LMF2: variants seen among roughly 807,000 people sequenced by gnomAD.
The protein encoded by LMF2 is transmembrane protein 112B.
A neutral mutation model predicts 81.5 loss-of-function variants in LMF2; 113 were observed. The observed-to-expected ratio is 1.39, with a 90% CI of 1.19 to 1.62. The LOEUF (loss-of-function observed/expected upper bound fraction) is 1.62, where lower values mean the gene tolerates loss of function less well. Among genes scored for constraint, LMF2 ranks in the 40% most tolerant of loss-of-function variants. The pLI, the probability that LMF2 is intolerant of heterozygous loss-of-function variation, is 0.00. For missense variants in LMF2, 1,235 were observed against 929.1 expected (o/e 1.33, Z -4.28); for synonymous variants, 645 against 424.5 (o/e 1.52, Z -6.39).
chr22:50,504,070 C>T (rs1332373841), intron 12 of LMF2, among the ~76,000 whole-genome samples, 166 bp from the exon 13 acceptor site: 7 of 84,066 alleles, frequency 8.3e-5, no homozygotes, highest in Admixed American at 2.6e-4. Context: ...CGGTGCCCGG[C>T]CTTACCCCTG....
Position 50,503,085 on chromosome 22 carries a change from G to A in LMF2, c.*306C>T, listed in dbSNP as rs1218670586. ...CTCTTCCCCTCTGGCACGGGGCCTA[G>A]GGTTGGGGGCTCTAGACTCAGACCC... On this transcript the variant is annotated 3_prime_UTR_variant, in exon 14 of 14. Transcript: ENST00000474879. 2.9e-5 allele frequency: 11 copies of A among 382,134 alleles called. No homozygotes were observed. In the East Asian group the frequency reaches 3.2e-4, roughly 11 times the overall value. 23.7% of individuals were successfully genotyped at this position (382,134 alleles called of 1,614,324 possible).
In LMF2 at chr22:50,504,655, G is replaced by C; in HGVS notation, c.1510C>G (p.Leu504Val). ...PPVVVPHQPR[L>V]DWQMWFAALG... ...GCTGCAAACCACATCTGCCAGTCCA[G>C]GCGTGGCTGGTGGGGCACCACAACC... is the stretch of plus-strand genomic sequence containing the variant. The change falls in exon 11 of 14, where the codon CTG (leucine) becomes GTG (valine). Residue 504 changes from leucine to valine, a missense_variant. Coordinates refer to ENST00000474879, the MANE Select transcript of LMF2 (RefSeq NM_033200.3). The C allele has an allele frequency of 6.2e-7, 1 of 1,609,076 alleles. No individual in the cohort carries two copies.
chr22:50,503,778 C>A, intron 13 of LMF2, 30 bp downstream of exon 13: 1 of 1,597,558 alleles, frequency 6.3e-7, no homozygotes, highest in Non-Finnish European at 8.5e-7. Flanking sequence ...ACCCCTGCCA[C>A]CTCCCCCAGC....
Position 50,503,890 on chromosome 22 carries a change from C to A in LMF2, c.1733G>T (p.Arg578Leu). ...QPGEQGQWWR[R>L]QWVEEFFPSV... ...TGGGAAGAACTCCTCCACCCACTGG[C>A]GCCGCCACCACTGGCTGCAGCAGGA... Residue 578 changes from arginine to leucine, a missense_variant, in exon 13 of 14, where the codon CGC becomes CTC. Physicochemically the swap from Arg to Leu is moderately radical, Grantham distance 102 (BLOSUM62 -2). Transcript: ENST00000474879. 1 of 1,605,058 alleles carries A rather than the reference C, an allele frequency of 6.2e-7. No homozygotes were observed. The highest frequency in any genetic ancestry group is 8.5e-7 in the Non-Finnish European group (1 of 1,179,326).
chr22:50,503,435 T>A lies in LMF2; in HGVS notation c.2080A>T (p.Asn694Tyr), dbSNP rs1361558014. The A allele has an allele frequency of 6.2e-7, 1 of 1,607,212 alleles. No individual in the cohort carries two copies. Among genetic ancestry groups the A allele is most frequent in the African/African-American group, 1.3e-5 (1 of 74,492 alleles). The change falls in exon 14 of 14, where the codon AAC becomes TAC. Residue 694 changes from asparagine to tyrosine, a missense_variant. Physicochemically the swap from Asn to Tyr is moderately radical, Grantham distance 143 (BLOSUM62 -2). Coordinates refer to ENST00000474879, the MANE Select transcript of LMF2 (RefSeq NM_033200.3). Reference protein sequence around the residue: ...AASEQATAAPNPCSSSSRTTR... With the variant: ...AASEQATAAPYPCSSSSRTTR... ...GTCCTCGAACTACTGGAGCAGGGGT[T>A]GGGGGCTGCGGTGGCCTGTTCGGAG...
At chr22:50,507,270 C>T in intron 1 of LMF2, 1 of 648,884 alleles carries the variant, frequency 1.5e-6, no homozygotes, top group South Asian at 2.0e-5. Context: ...CCCAGCAGAG[C>T]CCACTGCCCT....
rs2068565468 is a variant in LMF2, at chr22:50,506,287, G to A, written c.593C>T (p.Thr198Ile). Residue 198 changes from threonine to isoleucine, a missense_variant and splice_region_variant, in exon 4 of 14, where the codon ACT (threonine) becomes ATT (isoleucine). Coordinates refer to ENST00000474879, the MANE Select transcript of LMF2 (RefSeq NM_033200.3). ...TSRCPAWWGL[T>I]ALTYHYETQC... is the part of the protein sequence containing the mutation. ...CAGGTCCAGACCGGGCCCCTCACCA[G>A]TGAGCCCCCACCACGCAGGGCAGCG... 3 of 1,548,932 alleles carry A rather than the reference G, an allele frequency of 1.9e-6. No individual in the cohort carries two copies. The highest frequency in any genetic ancestry group is 1.2e-5 in the South Asian group (1 of 84,000).
chr22:50,505,088 G>A lies in LMF2; in HGVS notation c.1223C>T (p.Thr408Ile), dbSNP rs1403762377. 6.2e-7 allele frequency: 1 copy of A among 1,612,996 alleles called. No homozygotes were observed. Among genetic ancestry groups the A allele is most frequent in the East Asian group, 2.2e-5 (1 of 44,886 alleles). Residue 408 changes from threonine (T) to isoleucine (I), a missense_variant, in exon 9 of 14, where the codon ACT becomes ATT. Transcript: ENST00000474879. ...AATCAGGAACAAGGCCACGGTCGCA[G>A]TGCCCACAAGGGACAGTTGGACTAC... ...SAVVQLSLVG[T>I]ATVALFLISL...
chr22:50,506,724 G>A (rs769255718), intron 2 of LMF2, 58 bp from the exon 3 acceptor site: 3 of 1,612,850 alleles, frequency 1.9e-6, no homozygotes, highest in Admixed American at 1.7e-5. Flanking sequence ...GTAAGGTAGA[G>A]GCAGGGGTGG....
At position 50,506,701 on chromosome 22, in the gene LMF2, T is replaced by C. The variant is rs537785157; in HGVS notation, c.349-35A>G. ...GAGGGGCTGTCAGGGAGCGGGTGTG[T>C]CTGTGGACTCAGGTAAGGTAGAGGC... On this transcript the variant is annotated intron_variant, in intron 2 of 13. Coordinates refer to ENST00000474879, the MANE Select transcript of LMF2 (RefSeq NM_033200.3). 4.8e-5 allele frequency: 78 copies of C among 1,613,596 alleles called. 1 individual carries two copies. The South Asian group carries it at 6.6e-4, about 14-fold the overall frequency.
At chr22:50,507,529 G>C (rs563388493) in intron 1 of LMF2, 53 bp downstream of exon 1, 1 of 1,324,074 alleles carries the variant, frequency 7.6e-7, no homozygotes, top group African/African-American at 1.5e-5. Context: ...AGAGAAAAGA[G>C]GACATAGGGT....
chr22:50,505,379 T>C (rs773746768), intron 7 of LMF2, 24 bp downstream of exon 7: 5 of 1,613,242 alleles, frequency 3.1e-6, no homozygotes, highest in Non-Finnish European at 3.4e-6. Context: ...CCCTGCCCTC[T>C]GGCCCCCCCA....
At chr22:50,505,890 A>C in intron 5 of LMF2, 75 bp from the exon 6 acceptor site, 1 of 1,593,566 alleles carries the variant, frequency 6.3e-7, no homozygotes, top group African/African-American at 1.3e-5. Context: ...TCCACCCTGC[A>C]GGGTGCATCC....
At position 50,505,234 on chromosome 22, in the gene LMF2, C is replaced by T. The variant is rs971556191; in HGVS notation, c.1152G>A (p.Leu384=). The change falls in exon 8 of 14, where the codon CTG becomes CTA. Residue 384 remains leucine (L), a synonymous_variant. Transcript: ENST00000474879. The part of the protein sequence containing the change: ...ASLVWELLSA[L]WRWTQVRGWL... ...CTGCTTCCTGGGCCATGTACCTCCA[C>T]AGGGCACTCAGCAGCTCCCAGACCA... The T allele has an allele frequency of 1.2e-6, 2 of 1,613,134 alleles. No homozygotes were observed. Among genetic ancestry groups the T allele is most frequent in the Admixed American group, 1.7e-5 (1 of 60,032 alleles).
Position 50,507,696 on chromosome 22 carries a change from G to T in LMF2, c.-21C>A. 1 of 1,539,094 alleles carries T rather than the reference G, an allele frequency of 6.5e-7. No homozygotes were observed. The highest frequency in any genetic ancestry group is 8.8e-7 in the Non-Finnish European group (1 of 1,140,298). ...GCCATGTCCGCTACGCGGCCCGCTA[G>T]AGCAGGGCCCGCCCTCCGCGTCCGC... On this transcript the variant is annotated 5_prime_UTR_variant, in exon 1 of 14. Coordinates refer to ENST00000474879, the MANE Select transcript of LMF2 (RefSeq NM_033200.3).
chr22:50,506,548 G>A, intron 3 of LMF2, 46 bp from the exon 4 acceptor site: 1 of 1,579,206 alleles, frequency 6.3e-7, no homozygotes, highest in Non-Finnish European at 8.6e-7. Flanking sequence ...CCACACAGCT[G>A]CTTCCCTCGG....
At position 50,504,969 on chromosome 22, in the gene LMF2, C is replaced by G. The variant is rs369798910; in HGVS notation, c.1270G>C (p.Val424Leu). Reference sequence around the variant, plus strand: ...AGGCGCCCGTGGGTCCCGGGCTCCACGTAGGAGTACGGCACCTGGAGACAG... The same window carrying G: ...AGGCGCCCGTGGGTCCCGGGCTCCAGGTAGGAGTACGGCACCTGGAGACAG... ...FLISLVPYSY[V>L]EPGTHGRLWT... Residue 424 changes from valine (V) to leucine (L), a missense_variant, in exon 10 of 14, where the codon GTG becomes CTG. Physicochemically the swap from Val to Leu is conservative, Grantham distance 32. Transcript: ENST00000474879. 4 of 1,609,226 alleles carry G rather than the reference C, an allele frequency of 2.5e-6. No homozygotes were observed. The highest frequency in any genetic ancestry group is 2.2e-5 in the South Asian group (2 of 91,004).
intron 4 of LMF2, 21 bp from the exon 5 acceptor site, chr22:50,506,234 C>T (rs1366857194): frequency 1.3e-6 from 2 of 1,549,286 alleles, no homozygotes; most frequent in Admixed American, 3.9e-5. Context: ...GGGCAGGAGT[C>T]AGGGCTGGCC....
chr22:50,507,065 T>C (rs774227067), intron 1 of LMF2, 30 bp from the exon 2 acceptor site: 2 of 1,566,918 alleles, frequency 1.3e-6, no homozygotes, highest in East Asian at 2.2e-5. Context: ...GGCCAGGCCC[T>C]GGACAGCCCT....
Sources: gnomAD v4.1 joint callset for allele counts (sites outside exome capture counted in the v4.1 genomes callset) on GRCh38, gnomAD v4.1.1 for gene constraint, MANE v1.5 for transcripts, NCBI Gene and HGNC (gene_info 2026-07-23, HGNC 2026-07-21) for gene names.